Variants in HTT observed in about 807,000 individuals in gnomAD.
HTT encodes the protein huntington disease protein.
HTT carries 104 observed loss-of-function variants against 362.3 expected under a neutral mutation model. The observed-to-expected ratio is 0.29, with a 90% confidence interval of 0.24 to 0.34. The LOEUF is 0.34. Among genes scored for constraint, HTT ranks in the 10% least tolerant of loss-of-function variants. The pLI is 1.00. For missense variants in HTT, 3,301 were observed against 3,928.6 expected (o/e 0.84, Z 4.27); for synonymous variants, 1,577 against 1,548.7 (o/e 1.02, Z -0.43).
chr4:3,147,004 G>A, intron 25 of HTT, 56 bp downstream of exon 25: 1 of 1,546,888 alleles, frequency 6.5e-7, no homozygotes, highest in African/African-American at 1.4e-5. Context: ...ATTTCCTTAG[G>A]GGGAATGGGG....
chr4:3,079,176 A>G (rs1407228329), intron 1 of HTT, among the ~76,000 whole-genome samples: 2 of 151,594 alleles, frequency 1.3e-5, no homozygotes, highest in Non-Finnish European at 2.9e-5. Flanking sequence ...GATTACAGGC[A>G]TGAGCCACCA....
In HTT at chr4:3,154,297, C is replaced by T; in HGVS notation, c.3503C>T (p.Ala1168Val). The T allele has an allele frequency of 1.9e-6, 3 of 1,583,592 alleles. No individual in the cohort carries two copies. ...DVAPGPAIKA[A>V]LPSLTNPPSL... The stretch of plus-strand genomic sequence containing the variant: ...GTTTTTGTTTTTCTATTTTAGGCAG[C>T]CTTGCCTTCTCTAACAAACCCCCCT... Residue 1168 changes from alanine (A) to valine (V), a missense_variant, in exon 27 of 67, where the codon GCC (alanine) becomes GTC (valine). Ala to Val is a moderately conservative substitution (Grantham distance 64, BLOSUM62 0). Coordinates refer to ENST00000355072, the MANE Select transcript of HTT (RefSeq NM_001388492.1).
At chr4:3,226,660 C>T (rs973102498) in intron 57 of HTT, among the ~76,000 whole-genome samples, 2 of 152,232 alleles carry the variant, frequency 1.3e-5, no homozygotes, top group Non-Finnish European at 2.9e-5. Context: ...GGACAGTTCT[C>T]TTTGTAGCTT....
chr4:3,077,175 C>T (rs1286115378), intron 1 of HTT, among the ~76,000 whole-genome samples: 1 of 152,126 alleles, frequency 6.6e-6, no homozygotes, highest in Admixed American at 6.5e-5. Flanking sequence ...GAGACTCTAT[C>T]TCAAAAAAAA....
chr4:3,215,146 A>G lies in HTT; in HGVS notation c.6989A>G (p.Glu2330Gly). The change falls in exon 51 of 67, where the codon GAA (glutamate) becomes GGA (glycine). Residue 2330 changes from glutamate to glycine, a missense_variant. Around this residue, in one of 4 missense-constraint regions of HTT, gnomAD observed 220 missense variants for 218.5 expected, o/e 1.01. Coordinates refer to ENST00000355072, the MANE Select transcript of HTT (RefSeq NM_001388492.1). ...CCTGGAGAGCAGCTTCTTAGTCCAG[A>G]AAGAAGGACAAATACCCCAAAAGCC... ...VQPGEQLLSP[E>G]RRTNTPKAIS... The G allele has an allele frequency of 6.2e-7, 1 of 1,614,164 alleles. No individual in the cohort carries two copies. Among genetic ancestry groups the G allele is most frequent in the Non-Finnish European group, 8.5e-7 (1 of 1,179,990 alleles).
intron 61 of HTT, among the ~76,000 whole-genome samples, chr4:3,234,747 C>T (rs895584098): frequency 6.6e-6 from 1 of 152,168 alleles, no homozygotes; most frequent in African/African-American, 2.4e-5. Context: ...CAGATATACG[C>T]ATCACTGGGC....
rs373153609 is a variant in HTT at position 3,225,778 on chromosome 4, C to T, written c.7848+35C>T. On this transcript the variant is annotated intron_variant, in intron 57 of 66. Coordinates refer to ENST00000355072, the MANE Select transcript of HTT (RefSeq NM_001388492.1). ...GCGCCCCCGCCGCCTGGCCTCTGTCCGTTTCTGTCCTCAGACTTTGGCGCT... is the reference window on the plus strand; with the variant it reads ...GCGCCCCCGCCGCCTGGCCTCTGTCTGTTTCTGTCCTCAGACTTTGGCGCT... 6.6e-5 allele frequency: 102 copies of T among 1,541,534 alleles called. No individual in the cohort carries two copies. The Middle Eastern group carries it at 1.0e-3, about 15-fold the overall frequency.
intron 26 of HTT, among the ~76,000 whole-genome samples, chr4:3,150,380 G>A (rs183473423): frequency 1.4e-4 from 22 of 152,204 alleles, no homozygotes; most frequent in African/African-American, 3.9e-4. Context: ...CCTGAGAGTC[G>A]GGGCTGTTCT....
intron 10 of HTT, 29 bp from the exon 11 acceptor site, chr4:3,125,519 TA>T: frequency 6.6e-7 from 1 of 1,514,926 alleles, no homozygotes; most frequent in Non-Finnish European, 9.2e-7. Flanking sequence ...TTTAGCAAAC[TA>T]AAAGGAATGT....
At chr4:3,224,161 G>A in intron 56 of HTT, 30 bp downstream of exon 56, 1 of 1,612,282 alleles carries the variant, frequency 6.2e-7, no homozygotes, top group Non-Finnish European at 8.5e-7. Flanking sequence ...CGGGGGAGCG[G>A]TTGTACTTGG....
At chr4:3,120,198 G>A (rs1715228438) in intron 8 of HTT, among the ~76,000 whole-genome samples, 1 of 152,058 alleles carries the variant, frequency 6.6e-6, no homozygotes, top group Non-Finnish European at 1.5e-5. Context: ...TTGGCAAATA[G>A]CAAATAAAAA....
chr4:3,201,182 C>T (rs1031072966), intron 41 of HTT, among the ~76,000 whole-genome samples: 1 of 152,204 alleles, frequency 6.6e-6, no homozygotes, highest in Non-Finnish European at 1.5e-5. Context: ...CCCCTCTGAT[C>T]CAGTTTTCCT....
In HTT at chr4:3,172,999, T is replaced by G; in HGVS notation, c.4034T>G (p.Leu1345Arg). 6.2e-7 allele frequency: 1 copy of G among 1,614,208 alleles called. No individual in the cohort carries two copies. Among genetic ancestry groups the G allele is most frequent in the Non-Finnish European group, 8.5e-7 (1 of 1,180,030 alleles). ...PSKSQGRAQR[L>R]GSSSVRPGLY... ...AAGTCACAAGGCCGAGCACAGCGCC[T>G]TGGCTCCTCCAGTGTGAGGCCAGGC... is the stretch of plus-strand genomic sequence containing the variant. The change falls in exon 31 of 67, where the codon CTT becomes CGT. Residue 1345 changes from leucine to arginine, a missense_variant. Around this residue, in one of 4 missense-constraint regions of HTT, gnomAD observed 2,316 missense variants for 2,658.5 expected, o/e 0.87. Transcript: ENST00000355072.
At chr4:3,109,386 C>T (rs1189992825) in intron 6 of HTT, among the ~76,000 whole-genome samples, 4 of 151,956 alleles carry the variant, frequency 2.6e-5, no homozygotes, top group African/African-American at 7.3e-5. Context: ...TCACCACGCT[C>T]GGCTAATTTT....
At chr4:3,204,301 C>T (rs909560157) in intron 42 of HTT, among the ~76,000 whole-genome samples, 153 bp downstream of exon 42, 1 of 152,178 alleles carries the variant, frequency 6.6e-6, no homozygotes, top group East Asian at 1.9e-4. Context: ...ATGTTTACTT[C>T]TGCTGTGACA....
chr4:3,160,705 G>T (rs1192277392), intron 29 of HTT, among the ~76,000 whole-genome samples: 1 of 152,028 alleles, frequency 6.6e-6, no homozygotes, highest in African/African-American at 2.4e-5. Context: ...TTTTCAAGTG[G>T]AAAGGGGCAA....
rs1716043511 is a variant in HTT, at chr4:3,135,931, A to G, written c.2661A>G (p.Ala887=). ...FRLVSFLEAK[A]ENLHRGAHHY... is the part of the protein sequence containing the mutation. Reference sequence around the variant, plus strand: ...TGGTGAGCTTTTTGGAGGCAAAAGCAGAAAACTTACACAGAGGGGCTCATC... The same window carrying G: ...TGGTGAGCTTTTTGGAGGCAAAAGCGGAAAACTTACACAGAGGGGCTCATC... The change falls in exon 20 of 67, where the codon GCA becomes GCG. Residue 887 remains alanine, a synonymous_variant. Coordinates refer to ENST00000355072, the MANE Select transcript of HTT (RefSeq NM_001388492.1). 6.2e-7 allele frequency: 1 copy of G among 1,604,058 alleles called. No individual in the cohort carries two copies. The highest frequency in any genetic ancestry group is 8.5e-7 in the Non-Finnish European group (1 of 1,176,936).
chr4:3,104,308 A>AT (rs1297121802), intron 4 of HTT, among the ~76,000 whole-genome samples: 1 of 151,408 alleles, frequency 6.6e-6, no homozygotes, highest in Non-Finnish European at 1.5e-5. Flanking sequence ...CTGATTGTAC[A>AT]TTTTAAAATA....
chr4:3,139,695 T>G (rs1210432919), intron 21 of HTT, among the ~76,000 whole-genome samples: 1 of 152,176 alleles, frequency 6.6e-6, no homozygotes, highest in African/African-American at 2.4e-5. Context: ...TATTCTCCAT[T>G]TGAATTCAGT....
Sources: gnomAD v4.1 joint callset for allele counts (sites outside exome capture counted in the v4.1 genomes callset) on GRCh38, gnomAD v4.1.1 for gene constraint, gnomAD v4.1.1 regional missense constraint, MANE v1.5 for transcripts, NCBI Gene and HGNC (gene_info 2026-07-23, HGNC 2026-07-21) for gene names.